Variants in FRYL observed in about 807,000 individuals in gnomAD.
FRYL encodes the protein FRY like transcription coactivator, also known as protein furry homolog-like.
A neutral mutation model predicts 351.2 loss-of-function variants in FRYL; 150 were observed. That is an observed-to-expected ratio of 0.43 (90% CI 0.37 to 0.49). The LOEUF is 0.49. FRYL is among the 20% of genes least tolerant of loss of function. The pLI, the probability that FRYL is intolerant of heterozygous loss-of-function variation, is 0.00. For missense variants in FRYL, 3,036 were observed against 3,619.3 expected (o/e 0.84, Z 4.13); for synonymous variants, 1,153 against 1,257.1 (o/e 0.92, Z 1.75).
At chr4:48,655,095 T>C (rs116648406) in intron 3 of FRYL, among the ~76,000 whole-genome samples, 2,267 of 152,252 alleles carry the variant, frequency 0.015, 31 homozygotes, top group Middle Eastern at 0.02. Context: ...TAAGCTAAAA[T>C]AACATCCTTT....
chr4:48,550,394 A>G (rs1451319063), intron 38 of FRYL, 198 bp downstream of exon 38: 2 of 546,834 alleles, frequency 3.7e-6, no homozygotes, highest in Non-Finnish European at 6.5e-6. Context: ...ATAGGAAACC[A>G]GTGCTTTAAA....
At chr4:48,515,391 T>C (rs941022192) in intron 55 of FRYL, 116 bp from the exon 56 acceptor site, 2 of 755,266 alleles carry the variant, frequency 2.6e-6, no homozygotes, top group South Asian at 1.9e-5. Flanking sequence ...TGTTCATTTA[T>C]ACAGTCTGTC....
chr4:48,765,138 C>G (rs1774818857), intron 1 of FRYL, among the ~76,000 whole-genome samples: 1 of 152,172 alleles, frequency 6.6e-6, no homozygotes, highest in Non-Finnish European at 1.5e-5. Context: ...CCACCATGCC[C>G]AGCCAGGAAA....
chr4:48,597,472 G>GAC (rs753268115), intron 13 of FRYL, among the ~76,000 whole-genome samples: 3 of 152,062 alleles, frequency 2.0e-5, no homozygotes, highest in South Asian at 4.1e-4. Context: ...TCTGAAGGGG[G>GAC]ATGCTGATTA....
At chr4:48,685,494 A>C (rs1286945729) in intron 2 of FRYL, among the ~76,000 whole-genome samples, 1 of 152,218 alleles carries the variant, frequency 6.6e-6, no homozygotes, top group Admixed American at 6.5e-5. Flanking sequence ...TATTTTATTC[A>C]CTAAAATAAA....
At chr4:48,512,342 G>A (rs1722650929) in intron 57 of FRYL, 139 bp downstream of exon 57, 2 of 621,900 alleles carry the variant, frequency 3.2e-6, no homozygotes, top group Admixed American at 3.0e-5. Context: ...GTCAATGTAA[G>A]TAATACCATT....
At chr4:48,758,835 T>C (rs893597565) in intron 1 of FRYL, among the ~76,000 whole-genome samples, 2 of 152,190 alleles carry the variant, frequency 1.3e-5, no homozygotes, top group Non-Finnish European at 2.9e-5. Flanking sequence ...CCAACCCAAA[T>C]GTCCATCAAT....
At chr4:48,779,323 C>T (rs1364869618) in intron 1 of FRYL, among the ~76,000 whole-genome samples, 1 of 152,226 alleles carries the variant, frequency 6.6e-6, no homozygotes, top group African/African-American at 2.4e-5. Context: ...GCCGAGTCAG[C>T]TCGCGGGCGG....
At chr4:48,745,743 AAATAAT>A (rs957981826) in intron 1 of FRYL, among the ~76,000 whole-genome samples, 2 of 152,280 alleles carry the variant, frequency 1.3e-5, no homozygotes, top group Non-Finnish European at 2.9e-5. Context: ...CCTAGAACTT[AAATAAT>A]AATAATAATA....
At chr4:48,657,083 T>C (rs1759378067) in intron 3 of FRYL, among the ~76,000 whole-genome samples, 1 of 152,218 alleles carries the variant, frequency 6.6e-6, no homozygotes, top group African/African-American at 2.4e-5. Flanking sequence ...CTAGGACAAC[T>C]ACATATGCAT....
intron 1 of FRYL, among the ~76,000 whole-genome samples, chr4:48,769,272 C>T (rs1254106689): frequency 6.6e-6 from 1 of 152,168 alleles, no homozygotes; most frequent in African/African-American, 2.4e-5. Flanking sequence ...GAACTTCTAT[C>T]TAGAATATAT....
intron 3 of FRYL, among the ~76,000 whole-genome samples, chr4:48,653,101 T>C (rs1758066991): frequency 6.6e-6 from 1 of 152,184 alleles, no homozygotes; most frequent in East Asian, 1.9e-4. Context: ...GCCAAATTCA[T>C]ATGTTAGGAA....
intron 13 of FRYL, among the ~76,000 whole-genome samples, chr4:48,597,017 G>A (rs1380024699): frequency 4.6e-5 from 7 of 151,994 alleles, no homozygotes. Flanking sequence ...TAGACTCGCA[G>A]TATCAATCCC....
chr4:48,690,063 AT>A (rs67814663), intron 2 of FRYL, among the ~76,000 whole-genome samples: 133,634 of 139,846 alleles, frequency 0.96, 63,902 homozygotes, highest in East Asian at 0.99. Context: ...TGCCCAGCTA[AT>A]TTTTTTTTTT....
chr4:48,623,063 G>T, intron 5 of FRYL, 63 bp downstream of exon 5: 1 of 948,560 alleles, frequency 1.1e-6, no homozygotes, highest in Non-Finnish European at 1.6e-6. Context: ...ATACATTTGG[G>T]CCAGACTATT....
At chr4:48,711,177 T>A (rs1234767678) in intron 1 of FRYL, among the ~76,000 whole-genome samples, 1 of 152,192 alleles carries the variant, frequency 6.6e-6, no homozygotes, top group Admixed American at 6.5e-5. Flanking sequence ...TCTGAGGTAC[T>A]GGGTTCATCT....
intron 26 of FRYL, chr4:48,572,037 C>G: frequency 1.0e-6 from 1 of 966,852 alleles, no homozygotes; most frequent in Non-Finnish European, 1.2e-6. Flanking sequence ...CTATCATGAC[C>G]CTACAGTGCT....
chr4:48,714,704 C>T (rs1368023251), intron 1 of FRYL, among the ~76,000 whole-genome samples: 1 of 150,636 alleles, frequency 6.6e-6, no homozygotes, highest in Non-Finnish European at 1.5e-5. Context: ...CAAGGAGGAA[C>T]TGGTACCATT....
At chr4:48,618,236 C>T (rs1296382012) in intron 7 of FRYL, 1 of 152,190 alleles carries the variant, frequency 6.6e-6, no homozygotes, top group Admixed American at 6.5e-5. Context: ...TTAATTAACT[C>T]TTCTGTTTTA....
Sources: gnomAD v4.1 joint callset for allele counts (sites outside exome capture counted in the v4.1 genomes callset) on GRCh38, gnomAD v4.1.1 for gene constraint, MANE v1.5 for transcripts, NCBI Gene and HGNC (gene_info 2026-07-23, HGNC 2026-07-21) for gene names.